The following CSMD1 variants were observed in gnomAD, a reference collection of about 807,000 sequenced individuals.
CSMD1 encodes the protein CUB and Sushi multiple domains 1.
CSMD1 carries 213 observed loss-of-function variants against 417.5 expected under a neutral mutation model. The ratio of observed to expected loss-of-function variants is 0.51; its 90% confidence interval spans 0.46 to 0.57. CSMD1 has a LOEUF of 0.57. Ranked by LOEUF, CSMD1 falls within the 20% of genes least tolerant of loss-of-function variation. CSMD1 has a pLI of 0.00. For synonymous variants in CSMD1, 2,862 were observed against 1,736.8 expected (o/e 1.65, Z -16.11); for missense variants, 6,923 against 4,529.7 (o/e 1.53, Z -15.17).
At chr8:3,058,011 T>C (rs1035490911) in intron 49 of CSMD1, among the ~76,000 whole-genome samples, 2 of 152,288 alleles carry the variant, frequency 1.3e-5, no homozygotes, top group East Asian at 3.9e-4. Flanking sequence ...AGTCGGCTTA[T>C]TCTCACTTTC....
At chr8:3,465,116 A>C (rs1816724290) in intron 12 of CSMD1, among the ~76,000 whole-genome samples, 1 of 152,052 alleles carries the variant, frequency 6.6e-6, no homozygotes, top group Non-Finnish European at 1.5e-5. Context: ...GTTTCTGTGA[A>C]TTGTTCTTCT....
intron 43 of CSMD1, 42 bp downstream of exon 43, chr8:3,110,116 T>C: frequency 6.7e-7 from 1 of 1,501,088 alleles, no homozygotes; most frequent in African/African-American, 1.4e-5. Flanking sequence ...TCAGAATTGT[T>C]GATCACAATT....
intron 2 of CSMD1, among the ~76,000 whole-genome samples, chr8:4,439,061 C>T (rs539621744): frequency 6.6e-6 from 1 of 152,130 alleles, no homozygotes; most frequent in African/African-American, 2.4e-5. Flanking sequence ...TGATATAGGT[C>T]TTATTGGCGC....
At chr8:3,093,538 G>T (rs1328288814) in intron 47 of CSMD1, among the ~76,000 whole-genome samples, 1 of 152,040 alleles carries the variant, frequency 6.6e-6, no homozygotes, top group Non-Finnish European at 1.5e-5. Flanking sequence ...CGTGGCGGCA[G>T]GCACCTGTAA....
intron 10 of CSMD1, among the ~76,000 whole-genome samples, chr8:3,561,437 G>C (rs185097065): frequency 2.0e-5 from 3 of 150,514 alleles, no homozygotes; most frequent in African/African-American, 7.2e-5. Context: ...TTACACCATG[G>C]ATACCACACA....
intron 3 of CSMD1, among the ~76,000 whole-genome samples, chr8:4,237,541 T>TTG (rs1554503744): frequency 6.6e-6 from 1 of 151,930 alleles, no homozygotes; most frequent in Non-Finnish European, 1.5e-5. Flanking sequence ...CTACTTTTTT[T>TTG]TTTTTGTTTT....
intron 1 of CSMD1, among the ~76,000 whole-genome samples, chr8:4,785,446 C>T (rs1308945859): frequency 1.3e-5 from 2 of 152,102 alleles, no homozygotes; most frequent in Admixed American, 6.6e-5. Flanking sequence ...TCACCATTAG[C>T]TCATGCAGCC....
At chr8:3,537,202 T>C (rs184450378) in intron 10 of CSMD1, among the ~76,000 whole-genome samples, 111 of 152,206 alleles carry the variant, frequency 7.3e-4, no homozygotes, top group East Asian at 1.4e-3. Context: ...GGTTTCACCA[T>C]GTTGGCCAAG....
At chr8:4,716,250 T>C (rs1289284281) in intron 1 of CSMD1, among the ~76,000 whole-genome samples, 1 of 152,146 alleles carries the variant, frequency 6.6e-6, no homozygotes, top group Admixed American at 6.5e-5. Context: ...TCCTTACACT[T>C]CAAGACAATG....
At chr8:3,284,968 C>G (rs1166580565) in intron 25 of CSMD1, among the ~76,000 whole-genome samples, 1 of 152,164 alleles carries the variant, frequency 6.6e-6, no homozygotes, top group Non-Finnish European at 1.5e-5. Context: ...TATTAGACTT[C>G]CAGGTATTTT....
At chr8:3,524,422 CAG>C (rs1797666467) in intron 10 of CSMD1, among the ~76,000 whole-genome samples, 1 of 150,966 alleles carries the variant, frequency 6.6e-6, no homozygotes, top group Non-Finnish European at 1.5e-5. Context: ...CACACACAAC[CAG>C]ACACATCTGC....
intron 3 of CSMD1, among the ~76,000 whole-genome samples, chr8:4,286,196 C>T (rs1244434309): frequency 3.3e-5 from 5 of 152,114 alleles, no homozygotes; most frequent in Non-Finnish European, 1.5e-5. Flanking sequence ...TTTCTTTTCT[C>T]CCGACTGCAA....
chr8:3,903,507 C>T (rs1474035795), intron 5 of CSMD1, among the ~76,000 whole-genome samples: 1 of 152,190 alleles, frequency 6.6e-6, no homozygotes, highest in Non-Finnish European at 1.5e-5. Context: ...AAGTGTGCTT[C>T]TCATATACAG....
At chr8:4,378,060 C>T (rs912180925) in intron 3 of CSMD1, among the ~76,000 whole-genome samples, 4 of 152,176 alleles carry the variant, frequency 2.6e-5, no homozygotes, top group Non-Finnish European at 4.4e-5. Flanking sequence ...ACCCACTACT[C>T]ATTCAATTAC....
At chr8:3,102,558 C>T (rs1815833038) in intron 46 of CSMD1, among the ~76,000 whole-genome samples, 1 of 152,128 alleles carries the variant, frequency 6.6e-6, no homozygotes, top group Non-Finnish European at 1.5e-5. Flanking sequence ...AGACATGTGC[C>T]ACTTAAAGAT....
intron 3 of CSMD1, among the ~76,000 whole-genome samples, chr8:4,182,062 A>G (rs897636911): frequency 2.6e-5 from 4 of 151,622 alleles, no homozygotes; most frequent in Admixed American, 6.6e-5. Flanking sequence ...GTGTGTGTGT[A>G]TACCTAAATT....
chr8:4,878,600 C>T (rs1803198281), intron 1 of CSMD1, among the ~76,000 whole-genome samples: 1 of 151,682 alleles, frequency 6.6e-6, no homozygotes, highest in Non-Finnish European at 1.5e-5. Flanking sequence ...ATTTCTATCA[C>T]CAGTTAGTAG....
intron 3 of CSMD1, among the ~76,000 whole-genome samples, chr8:4,043,093 C>A (rs2912273): frequency 6.6e-6 from 1 of 151,772 alleles, no homozygotes; most frequent in African/African-American, 2.4e-5. Context: ...AATTGCACCA[C>A]TGCACTTCCA....
At chr8:3,278,064 A>G (rs1251150481) in intron 26 of CSMD1, among the ~76,000 whole-genome samples, 1 of 152,198 alleles carries the variant, frequency 6.6e-6, no homozygotes, top group Admixed American at 6.5e-5. Flanking sequence ...CCCTCCTGGC[A>G]TCTGATCTTT....
Sources: allele counts gnomAD v4.1 joint callset (sites outside exome capture counted in the v4.1 genomes callset), GRCh38; gene constraint gnomAD v4.1.1; transcripts MANE v1.5; gene names NCBI Gene and HGNC (gene_info 2026-07-23, HGNC 2026-07-21).